Variants in BMP5 observed in about 807,000 individuals in gnomAD.
BMP5 encodes bone morphogenetic protein 5.
BMP5 carries 23 observed loss-of-function variants against 46.6 expected under a neutral mutation model. The ratio of observed to expected loss-of-function variants is 0.49; its 90% CI spans 0.35 to 0.70. BMP5 has a LOEUF of 0.70. Among genes scored for constraint, BMP5 ranks in the 30% least tolerant of loss-of-function variants. The pLI, the probability that BMP5 is intolerant of heterozygous loss-of-function variation, is 0.00. For synonymous variants in BMP5, 204 were observed against 191.9 expected (o/e 1.06, Z -0.52); for missense variants, 545 against 565.6 (o/e 0.96, Z 0.37).
chr6:55,785,761 T>G (rs6459106), intron 3 of BMP5, among the ~76,000 whole-genome samples: 1 of 148,026 alleles, frequency 6.8e-6, no homozygotes. Flanking sequence ...AAAAAAAAAA[T>G]TTTTTCAGAA....
chr6:55,865,221 A>ATT (rs139051714), intron 1 of BMP5, among the ~76,000 whole-genome samples: 2 of 149,726 alleles, frequency 1.3e-5, no homozygotes, highest in African/African-American at 4.9e-5. Flanking sequence ...AAAACTTTTC[A>ATT]TTTTTTTTTT....
In BMP5 at chr6:55,759,193, A is replaced by T. The variant is rs1275535152; in HGVS notation, c.1105-78T>A. The T allele has an allele frequency of 1.9e-4, 152 of 811,062 alleles. 2 individuals carry two copies. Among genetic ancestry groups the T allele is most frequent in the South Asian group, 1.2e-3 (73 of 59,240 alleles). 50.2% of individuals were successfully genotyped at this position (811,062 alleles called of 1,614,324 possible). A position where few individuals can be genotyped will look rare whatever the true frequency, so the allele number is the denominator to read the frequency against. On this transcript the variant is annotated intron_variant, in intron 5 of 6. Coordinates refer to ENST00000370830, the MANE Select transcript of BMP5 (RefSeq NM_021073.4). ...AAAAAAAAAAAAAAAACAACAAGAAAAAATATCACCAAAGTAAAAATTTTT... is the reference window on the plus strand; with the variant it reads ...AAAAAAAAAAAAAAAACAACAAGAATAAATATCACCAAAGTAAAAATTTTT...
At chr6:55,774,311 C>A in intron 3 of BMP5, 68 bp from the exon 4 acceptor site, 2 of 1,464,418 alleles carry the variant, frequency 1.4e-6, no homozygotes, top group African/African-American at 1.4e-5. Flanking sequence ...TGAATGAATT[C>A]TGAGGGTACT....
rs140686127 is a variant in BMP5 at position 55,782,949 on chromosome 6, C to G, written c.833-8706G>C. Among the ~76,000 whole-genome samples the G allele has an allele frequency of 2.1e-3, 315 of 152,198 alleles. 1 individual carries two copies. The highest frequency in any genetic ancestry group is 3.4e-3 in the Non-Finnish European group (233 of 67,980). ...GTAGTATGCTTTTCCTCTAAGTACA[C>G]AGTAGTCCACTTTTTAGAGATTGGT... On this transcript the variant is annotated intron_variant, in intron 3 of 6. Coordinates refer to ENST00000370830, the MANE Select transcript of BMP5 (RefSeq NM_021073.4).
chr6:55,848,337 C>T (rs374633938), intron 1 of BMP5, among the ~76,000 whole-genome samples: 3 of 152,084 alleles, frequency 2.0e-5, no homozygotes, highest in East Asian at 1.9e-4. Context: ...AACACTGTTT[C>T]CCAGTCACTA....
At chr6:55,805,393 C>T (rs1447431063) in intron 2 of BMP5, among the ~76,000 whole-genome samples, 1 of 152,094 alleles carries the variant, frequency 6.6e-6, no homozygotes, top group Non-Finnish European at 1.5e-5. Flanking sequence ...CATGCTCTCC[C>T]TCCCCTTGAC....
chr6:55,819,959 A>T, intron 1 of BMP5, 112 bp from the exon 2 acceptor site: 1 of 966,706 alleles, frequency 1.0e-6, no homozygotes, highest in Non-Finnish European at 1.6e-6. Context: ...GATAGTATAA[A>T]ACTGGAAAAA....
chr6:55,832,193 G>A lies in BMP5; in HGVS notation c.491-12346C>T, dbSNP rs115709669. On this transcript the variant is annotated intron_variant, in intron 1 of 6. Coordinates refer to ENST00000370830, the MANE Select transcript of BMP5 (RefSeq NM_021073.4). The stretch of plus-strand genomic sequence containing the variant: ...GTTCTTGCTTTCTCCTCAAAGCCAT[G>A]CTGCCTCTTGGGTCATTTGAGAACA... Among the ~76,000 whole-genome samples, 897 of 152,272 alleles carry A rather than the reference G, an allele frequency of 5.9e-3. 7 individuals carry two copies. Among genetic ancestry groups the A allele is most frequent in the African/African-American group, 0.02 (830 of 41,560 alleles).
At chr6:55,798,547 TA>T in intron 2 of BMP5, among the ~76,000 whole-genome samples, 1 of 152,176 alleles carries the variant, frequency 6.6e-6, no homozygotes, top group African/African-American at 2.4e-5. Flanking sequence ...TAGATCAGTA[TA>T]ATAATTTCCT....
intron 2 of BMP5, among the ~76,000 whole-genome samples, chr6:55,809,489 A>AC (rs1776070252): frequency 1.3e-5 from 2 of 152,304 alleles, no homozygotes; most frequent in African/African-American, 4.8e-5. Context: ...TTGAAAACTT[A>AC]TAAAAAATAA....
At chr6:55,801,731 C>T (rs772532977) in intron 2 of BMP5, among the ~76,000 whole-genome samples, 2 of 152,178 alleles carry the variant, frequency 1.3e-5, no homozygotes, top group African/African-American at 2.4e-5. Context: ...GGCAGTACTT[C>T]GTTCTCTCTG....
rs200061411 is a variant in BMP5, at chr6:55,874,913, T to TAAA, written c.-51_-49dup. 100 of 1,381,932 alleles carry TAAA rather than the reference T, an allele frequency of 7.2e-5. No individual in the cohort carries two copies. Among genetic ancestry groups the TAAA allele is most frequent in the Admixed American group, 1.4e-4 (6 of 43,586 alleles). 85.6% of individuals were successfully genotyped at this position (1,381,932 alleles called of 1,614,324 possible). ...ATATTTTTAGTCCTTCTTGTCCTCTTAAAAAAAAAAAAAACCTAAGGTTCT... is the reference window on the plus strand; with the variant it reads ...ATATTTTTAGTCCTTCTTGTCCTCTTAAAAAAAAAAAAAAAAACCTAAGGTTCT... On this transcript the variant is annotated 5_prime_UTR_variant, in exon 1 of 7. Transcript: ENST00000370830.
At chr6:55,820,008 G>A (rs971380858) in intron 1 of BMP5, among the ~76,000 whole-genome samples, 161 bp from the exon 2 acceptor site, 4 of 152,100 alleles carry the variant, frequency 2.6e-5, no homozygotes, top group African/African-American at 4.8e-5. Context: ...CCAGTTAAAG[G>A]AAATTCCACA....
In BMP5 at chr6:55,793,401, G is replaced by C. The variant is rs144996862; in HGVS notation, c.832+878C>G. Among the ~76,000 whole-genome samples the C allele has an allele frequency of 5.1e-3, 782 of 152,196 alleles. 6 individuals carry two copies. The highest frequency in any genetic ancestry group is 0.018 in the African/African-American group (735 of 41,516). On this transcript the variant is annotated intron_variant, in intron 3 of 6. Coordinates refer to ENST00000370830, the MANE Select transcript of BMP5 (RefSeq NM_021073.4). ...GTGATATGCATTCACTAATACTATT[G>C]TGTTATTACTACCTCGTGCATCACT...
intron 6 of BMP5, among the ~76,000 whole-genome samples, chr6:55,758,085 C>T (rs1361997131): frequency 6.6e-6 from 1 of 151,980 alleles, no homozygotes; most frequent in African/African-American, 2.4e-5. Context: ...CCCACAAAGA[C>T]AAGATTGTCT....
chr6:55,871,571 TA>T (rs1777788410), intron 1 of BMP5, among the ~76,000 whole-genome samples: 1 of 151,884 alleles, frequency 6.6e-6, no homozygotes, highest in Admixed American at 6.6e-5. Context: ...ATTTTTCACT[TA>T]TGAATATAAA....
chr6:55,810,525 C>G (rs1285467474), intron 2 of BMP5, among the ~76,000 whole-genome samples: 2 of 152,124 alleles, frequency 1.3e-5, no homozygotes, highest in Non-Finnish European at 2.9e-5. Flanking sequence ...TCCCCTCATT[C>G]AACAAGCAAA....
At chr6:55,836,198 T>A (rs535105895) in intron 1 of BMP5, among the ~76,000 whole-genome samples, 38 of 152,244 alleles carry the variant, frequency 2.5e-4, no homozygotes, top group African/African-American at 8.9e-4. Context: ...TTTCATGAAA[T>A]AAATTGAGTA....
Position 55,755,087 on chromosome 6 carries a change from T to A in BMP5, c.*446A>T, listed in dbSNP as rs1774548801. 6.6e-6 allele frequency: 1 copy of A among 152,474 alleles called. No homozygotes were observed. Among genetic ancestry groups the A allele is most frequent in the South Asian group, 2.1e-4 (1 of 4,856 alleles). 9.4% of individuals were successfully genotyped at this position (152,474 alleles called of 1,614,324 possible). On this transcript the variant is annotated 3_prime_UTR_variant, in exon 7 of 7. Transcript: ENST00000370830. ...TATCCAAGAATTTTTGTTTGGGTTG[T>A]TATTTTTTTAAGTCTTATTTCTAAA...
Sources: allele counts gnomAD v4.1 joint callset (sites outside exome capture counted in the v4.1 genomes callset), GRCh38; gene constraint gnomAD v4.1.1; transcripts MANE v1.5; gene names NCBI Gene and HGNC (gene_info 2026-07-23, HGNC 2026-07-21).